The following DPY19L1 variants were observed in gnomAD, a reference collection of about 807,000 sequenced individuals.
The protein encoded by DPY19L1 is protein C-mannosyl-transferase DPY19L1.
DPY19L1 carries 35 observed loss-of-function variants against 96.9 expected under a neutral mutation model. The observed-to-expected ratio is 0.36, with a 90% CI of 0.28 to 0.48. The LOEUF (loss-of-function observed/expected upper bound fraction) is 0.48. DPY19L1 is among the 20% of genes least tolerant of loss of function. The pLI, the probability that DPY19L1 is intolerant of heterozygous loss-of-function variation, is 0.99. For synonymous variants in DPY19L1, 205 were observed against 252.6 expected, an observed-to-expected ratio of 0.81 and a Z score of 1.79; for missense variants, 521 against 777.9, an observed-to-expected ratio of 0.67 and a Z score of 3.93.
At chr7:35,024,846 T>C (rs1786084482) in intron 1 of DPY19L1, among the ~76,000 whole-genome samples, 1 of 152,230 alleles carries the variant, frequency 6.6e-6, no homozygotes, top group African/African-American at 2.4e-5. Flanking sequence ...TAGAATGCAA[T>C]GGCCTCAAGG....
At chr7:34,940,519 G>A (rs2128781419) in intron 18 of DPY19L1, among the ~76,000 whole-genome samples, 192 bp from the exon 19 acceptor site, 1 of 152,108 alleles carries the variant, frequency 6.6e-6, no homozygotes, top group Non-Finnish European at 1.5e-5. Flanking sequence ...TCATATAAGT[G>A]GAACACAATG....
chr7:35,011,479 AG>A, intron 4 of DPY19L1, 29 bp from the exon 5 acceptor site: 1 of 1,570,276 alleles, frequency 6.4e-7, no homozygotes, highest in Non-Finnish European at 8.6e-7. Context: ...AGGCATCTTA[AG>A]AAAATATACT....
intron 7 of DPY19L1, among the ~76,000 whole-genome samples, chr7:34,984,930 T>C (rs1665756299): frequency 6.6e-6 from 1 of 152,158 alleles, no homozygotes; most frequent in Non-Finnish European, 1.5e-5. Context: ...TCCCACTTCA[T>C]TCACATGATT....
Position 34,933,134 on chromosome 7 carries a change from C to A in DPY19L1, c.2091-1405G>T, listed in dbSNP as rs555675986. On this transcript the variant is annotated intron_variant, in intron 21 of 21. Coordinates refer to ENST00000638088, the MANE Select transcript of DPY19L1 (RefSeq NM_001366673.1). ...CAATCCAGCATATATCCTGCTGGAC[C>A]TTTTTAAAAAAAAAAAAATTATTTC... 1.1e-4 allele frequency among the ~76,000 whole-genome samples: 16 copies of A among 151,388 alleles called. No individual in the cohort carries two copies. The East Asian group carries it at 3.1e-3, about 29-fold the overall frequency.
chr7:34,936,080 C>G (rs1243436514), intron 21 of DPY19L1, among the ~76,000 whole-genome samples: 1 of 152,230 alleles, frequency 6.6e-6, no homozygotes. Flanking sequence ...AATGGCAAGT[C>G]AAGGTCCAGA....
rs777588301 is a variant in DPY19L1, at chr7:34,939,348, G to A, written c.1892C>T (p.Thr631Met). Reference protein sequence around the residue: ...PDAVFAGAMPTMASVKLSALR... With the variant: ...PDAVFAGAMPMMASVKLSALR... ...TGCAGAGAGCTTAACACTTGCCATC[G>A]TGGGCATGGCACCCGCAAACACTGC... Residue 631 changes from threonine to methionine, a missense_variant, in exon 20 of 22, where the codon ACG (threonine) becomes ATG (methionine). Transcript: ENST00000638088. 1.7e-5 allele frequency: 28 copies of A among 1,613,824 alleles called. No individual in the cohort carries two copies. Among genetic ancestry groups the A allele is most frequent in the Middle Eastern group, 3.3e-4 (2 of 6,060 alleles).
chr7:35,013,611 G>T lies in DPY19L1; in HGVS notation c.506C>A (p.Pro169His). 1 of 1,609,704 alleles carries T rather than the reference G, an allele frequency of 6.2e-7. No individual in the cohort carries two copies. Among genetic ancestry groups the T allele is most frequent in the Non-Finnish European group, 8.5e-7 (1 of 1,177,254 alleles). Reference protein sequence around the residue: ...MIMNDKLTEYPLVINTLKRFN... With the variant: ...MIMNDKLTEYHLVINTLKRFN... ...TCTTTTTAATGTATTAATGACAAGG[G>T]GGTATTCAGTCAGTTTATCATTCAT... Residue 169 changes from proline to histidine, a missense_variant, in exon 4 of 22, where the codon CCC becomes CAC. Pro to His is a moderately conservative substitution (Grantham distance 77). Transcript: ENST00000638088.
rs759465714 is a variant in DPY19L1, at chr7:34,949,765, CTTAGGAAACAGAACTAGAAATCACA to C, written c.1422+7_1422+31del. Reference sequence around the variant, plus strand: ...TTATGAAAAATGTATGGGCCAAAACCTTAGGAAACAGAACTAGAAATCACATCTTACCTCTTTTTCCATAAAGTCA... The same window carrying C: ...TTATGAAAAATGTATGGGCCAAAACCTCTTACCTCTTTTTCCATAAAGTCA... On this transcript the variant is annotated splice_region_variant and intron_variant, in intron 14 of 21. Coordinates refer to ENST00000638088, the MANE Select transcript of DPY19L1 (RefSeq NM_001366673.1). The C allele has an allele frequency of 7.1e-7, 1 of 1,414,392 alleles. No individual in the cohort carries two copies. Among genetic ancestry groups the C allele is most frequent in the South Asian group, 1.2e-5 (1 of 82,374 alleles). 87.6% of individuals were successfully genotyped at this position (1,414,392 alleles called of 1,614,324 possible).
chr7:35,014,179 G>A (rs1402036611), intron 3 of DPY19L1, among the ~76,000 whole-genome samples: 1 of 152,132 alleles, frequency 6.6e-6, no homozygotes, highest in South Asian at 2.1e-4. Flanking sequence ...ATGCAAATGT[G>A]TTGAGAAGGC....
intron 1 of DPY19L1, among the ~76,000 whole-genome samples, chr7:35,028,690 T>C (rs1466722915): frequency 1.3e-5 from 2 of 152,200 alleles, no homozygotes; most frequent in East Asian, 3.9e-4. Flanking sequence ...GGCTACTCCA[T>C]AGGTAGAACA....
At chr7:34,945,548 T>A in intron 16 of DPY19L1, 119 bp downstream of exon 16, 1 of 741,376 alleles carries the variant, frequency 1.3e-6, no homozygotes, top group Non-Finnish European at 2.2e-6. Flanking sequence ...ATGACCACAA[T>A]AAAAACATCA....
intron 11 of DPY19L1, among the ~76,000 whole-genome samples, chr7:34,957,158 A>C (rs1040063296): frequency 6.6e-6 from 1 of 151,828 alleles, no homozygotes; most frequent in African/African-American, 2.4e-5. Flanking sequence ...CGAGGTGGGC[A>C]GATCACCTGA....
At chr7:34,969,955 G>A (rs1384510334) in intron 8 of DPY19L1, among the ~76,000 whole-genome samples, 1 of 152,210 alleles carries the variant, frequency 6.6e-6, no homozygotes, top group Admixed American at 6.5e-5. Flanking sequence ...GTAAGCGGCT[G>A]AGAGAGATTT....
chr7:35,007,451 CAG>C (rs1785587713), intron 6 of DPY19L1, among the ~76,000 whole-genome samples: 1 of 152,156 alleles, frequency 6.6e-6, no homozygotes, highest in African/African-American at 2.4e-5. Flanking sequence ...TTGGAAGAAC[CAG>C]AGACAGCCAT....
At chr7:35,013,477 A>G (rs1785764792) in intron 4 of DPY19L1, 91 bp downstream of exon 4, 2 of 948,012 alleles carry the variant, frequency 2.1e-6, no homozygotes, top group African/African-American at 1.7e-5. Context: ...ACAATTTAAT[A>G]TATTGAATTA....
Position 34,955,295 on chromosome 7 carries a change from G to C in DPY19L1, c.1239+13C>G, listed in dbSNP as rs1784354785. On this transcript the variant is annotated intron_variant, in intron 12 of 21. Coordinates refer to ENST00000638088, the MANE Select transcript of DPY19L1 (RefSeq NM_001366673.1). ...AAGAAAAAACATAAGCATTAAAATA[G>C]ATTGATTCTCACCCATAAACTAAGT... 3.2e-6 allele frequency: 5 copies of C among 1,576,096 alleles called. No individual in the cohort carries two copies. The highest frequency in any genetic ancestry group is 4.3e-6 in the Non-Finnish European group (5 of 1,156,296).
At chr7:35,001,384 A>G (rs1386809394) in intron 6 of DPY19L1, among the ~76,000 whole-genome samples, 1 of 152,224 alleles carries the variant, frequency 6.6e-6, no homozygotes, top group Non-Finnish European at 1.5e-5. Context: ...TAATTTATTC[A>G]ATCAAAAAAT....
At chr7:34,949,468 A>C (rs1443950434) in intron 14 of DPY19L1, among the ~76,000 whole-genome samples, 4 of 152,232 alleles carry the variant, frequency 2.6e-5, no homozygotes, top group African/African-American at 9.6e-5. Flanking sequence ...AAATAACCAC[A>C]AAATGAGTGG....
At chr7:34,971,594 G>A (rs1190356065) in intron 8 of DPY19L1, among the ~76,000 whole-genome samples, 1 of 152,200 alleles carries the variant, frequency 6.6e-6, no homozygotes, top group Non-Finnish European at 1.5e-5. Context: ...AATATAAACA[G>A]AGACAATGAA....
Sources: gnomAD v4.1 joint callset for allele counts (sites outside exome capture counted in the v4.1 genomes callset) on GRCh38, gnomAD v4.1.1 for gene constraint, MANE v1.5 for transcripts, NCBI Gene and HGNC (gene_info 2026-07-23, HGNC 2026-07-21) for gene names.